Variants in SIPA1L3 observed in about 807,000 individuals in gnomAD.
SIPA1L3 encodes signal induced proliferation associated 1 like 3.
A neutral mutation model predicts 150.1 loss-of-function variants in SIPA1L3; 59 were observed. That is an observed-to-expected ratio of 0.39 (90% confidence interval 0.32 to 0.49). The LOEUF is 0.49. Among genes scored for constraint, SIPA1L3 ranks in the 20% least tolerant of loss-of-function variants. SIPA1L3 has a pLI of 0.86. For missense variants in SIPA1L3, 2,211 were observed against 2,489.5 expected (o/e 0.89, Z 2.38); for synonymous variants, 1,070 against 1,077.6 (o/e 0.99, Z 0.14).
chr19:38,045,294 T>C (rs1969029684), intron 2 of SIPA1L3, among the ~76,000 whole-genome samples: 1 of 152,010 alleles, frequency 6.6e-6, no homozygotes, highest in Non-Finnish European at 1.5e-5. Context: ...CAAGAATCAC[T>C]TGAACCCGGG....
chr19:38,024,371 T>C (rs1277292599), intron 1 of SIPA1L3, among the ~76,000 whole-genome samples: 1 of 152,188 alleles, frequency 6.6e-6, no homozygotes, highest in African/African-American at 2.4e-5. Flanking sequence ...CACTTCCTTG[T>C]AGGCCTGTTT....
At chr19:38,197,484 C>T (rs867755644) in intron 18 of SIPA1L3, among the ~76,000 whole-genome samples, 1 of 152,078 alleles carries the variant, frequency 6.6e-6, no homozygotes, top group African/African-American at 2.4e-5. Flanking sequence ...CCTGCCCCCC[C>T]ACGGCAACCC....
rs759175189 is a variant in SIPA1L3, at chr19:38,152,906, C to A, written c.3600C>A (p.Ser1200Arg). Reference sequence around the variant, plus strand: ...ACTTCAGCCACGATGGGACGTCCAGCGGCGACTCCTCTTCCGGCGGCCTGA... The same window carrying A: ...ACTTCAGCCACGATGGGACGTCCAGAGGCGACTCCTCTTCCGGCGGCCTGA... ...DPHFSHDGTS[S>R]GDSSSGGLTS... Residue 1200 changes from serine to arginine, a missense_variant, in exon 13 of 22, where the codon AGC becomes AGA. Ser to Arg is a moderately radical substitution (Grantham distance 110, BLOSUM62 -1). Around this residue, in one of 5 missense-constraint regions of SIPA1L3, gnomAD observed 806 missense variants for 870.1 expected, o/e 0.93. Coordinates refer to ENST00000222345, the MANE Select transcript of SIPA1L3 (RefSeq NM_015073.3). 6.2e-7 allele frequency: 1 copy of A among 1,613,734 alleles called. No homozygotes were observed. The highest frequency in any genetic ancestry group is 8.5e-7 in the Non-Finnish European group (1 of 1,179,850).
In SIPA1L3 at chr19:38,204,139, C is replaced by T. The variant is rs1478207904; in HGVS notation, c.5133C>T (p.Pro1711=). 1 of 1,558,538 alleles carries T rather than the reference C, an allele frequency of 6.4e-7. No homozygotes were observed. Among genetic ancestry groups the T allele is most frequent in the Non-Finnish European group, 8.7e-7 (1 of 1,150,286 alleles). Residue 1711 remains proline, a synonymous_variant, in exon 21 of 22, where the codon CCC becomes CCT. Transcript: ENST00000222345. ...RTTPTMSEEP[P]LDLTGKVYQL... ...CTGGTTTTTCCAGCGAGGAGCCACC[C>T]CTGGATCTGACAGGCAAGGTGTACC...
intron 2 of SIPA1L3, among the ~76,000 whole-genome samples, chr19:38,041,229 C>T (rs1968913705): frequency 6.7e-6 from 1 of 150,160 alleles, no homozygotes; most frequent in African/African-American, 2.5e-5. Flanking sequence ...GCCTCAGCCT[C>T]CTCAGTAGCT....
chr19:38,108,418 T>G (rs1270884640), intron 7 of SIPA1L3: 1 of 152,168 alleles, frequency 6.6e-6, no homozygotes, highest in African/African-American at 2.4e-5. Context: ...CTCGGGGTTG[T>G]TAAGAGATTC....
At chr19:38,054,724 A>G (rs922948666) in intron 2 of SIPA1L3, among the ~76,000 whole-genome samples, 6 of 152,212 alleles carry the variant, frequency 3.9e-5, no homozygotes, top group Admixed American at 2.0e-4. Flanking sequence ...TGATGGTGAT[A>G]AGAGAACCTT....
intron 10 of SIPA1L3, among the ~76,000 whole-genome samples, chr19:38,138,910 A>AAAAAAAAAAAAAAAAAAAAAACAAAAAC (rs1343348254): frequency 1.8e-5 from 2 of 112,786 alleles, no homozygotes; most frequent in African/African-American, 3.8e-5. Flanking sequence ...AAAAAAAAAA[A>AAAAAAAAAAAAAAAAAAAAAACAAAAAC]AAAAACTGAG....
intron 8 of SIPA1L3, among the ~76,000 whole-genome samples, chr19:38,111,833 G>A (rs549764162): frequency 6.6e-4 from 100 of 152,368 alleles, no homozygotes; most frequent in Non-Finnish European, 1.1e-3. Flanking sequence ...TTTTGGGGTT[G>A]AGGACCCTTG....
chr19:38,038,588 CA>C lies in SIPA1L3; in HGVS notation c.-311+9450del, dbSNP rs34849335. On this transcript the variant is annotated intron_variant, in intron 2 of 21. Coordinates refer to ENST00000222345, the MANE Select transcript of SIPA1L3 (RefSeq NM_015073.3). ...CCTGGGTGACAGCGAGACTCCGTCT[CA>C]AAAAAAAAAAAAAAAAAGTCATGTG... 3.1e-3 allele frequency among the ~76,000 whole-genome samples: 382 copies of C among 121,742 alleles called. 3 individuals are homozygous for C. Among genetic ancestry groups the C allele is most frequent in the African/African-American group, 0.011 (342 of 31,752 alleles). The allele number at this position is 121,742 out of a possible 152,430, so 79.9% of individuals were successfully genotyped here. A position where few individuals can be genotyped will look rare whatever the true frequency, so the allele number is the denominator to read the frequency against.
chr19:38,160,817 G>A (rs891945026), intron 13 of SIPA1L3, among the ~76,000 whole-genome samples: 2 of 152,188 alleles, frequency 1.3e-5, no homozygotes, highest in Non-Finnish European at 1.5e-5. Context: ...CGCATGTAGA[G>A]GGAAGGCCAC....
rs3083579 is a variant in SIPA1L3 at position 37,992,650 on chromosome 19, TAA to T, written c.-378-36422_-378-36421del. Among the ~76,000 whole-genome samples the T allele has an allele frequency of 3.7e-3, 545 of 146,650 alleles. 3 individuals carry two copies. Among genetic ancestry groups the T allele is most frequent in the Middle Eastern group, 7.0e-3 (2 of 284 alleles). On this transcript the variant is annotated intron_variant, in intron 1 of 21. Transcript: ENST00000222345. ...TGGGCAACAAAGTGACACTCTGTCT[TAA>T]AAAAAAAAAAAAAAAATTATGAATG...
chr19:38,130,045 C>T (rs993381596), intron 9 of SIPA1L3, among the ~76,000 whole-genome samples: 7 of 152,070 alleles, frequency 4.6e-5, no homozygotes, highest in Non-Finnish European at 8.8e-5. Flanking sequence ...TCAGCCTGGG[C>T]GACAGAGCAA....
At chr19:38,048,576 C>T (rs1457995675) in intron 2 of SIPA1L3, among the ~76,000 whole-genome samples, 1 of 152,154 alleles carries the variant, frequency 6.6e-6, no homozygotes, top group Non-Finnish European at 1.5e-5. Context: ...GTTCTGTTGT[C>T]TAGTAGCTGA....
chr19:38,016,052 C>A (rs529133654), intron 1 of SIPA1L3, among the ~76,000 whole-genome samples: 103 of 152,322 alleles, frequency 6.8e-4, no homozygotes, highest in African/African-American at 2.4e-3. Flanking sequence ...CTTCTGCTCA[C>A]ATGCATGCTC....
chr19:38,053,464 C>A (rs773581896), intron 2 of SIPA1L3, among the ~76,000 whole-genome samples: 16 of 152,304 alleles, frequency 1.1e-4, no homozygotes, highest in Admixed American at 3.3e-4. Flanking sequence ...GTAGTAATAG[C>A]CATGGACACT....
At chr19:38,092,433 T>C (rs946834636) in intron 4 of SIPA1L3, among the ~76,000 whole-genome samples, 5 of 152,026 alleles carry the variant, frequency 3.3e-5, no homozygotes, top group African/African-American at 1.2e-4. Context: ...AGTGCATGGA[T>C]ACTGGGTTAT....
At chr19:38,188,694 G>A (rs890676321) in intron 16 of SIPA1L3, among the ~76,000 whole-genome samples, 64 of 151,778 alleles carry the variant, frequency 4.2e-4, no homozygotes, top group African/African-American at 9.7e-4. Context: ...AGGCCGAGGC[G>A]GGCGGATCAC....
chr19:37,989,275 A>G (rs1967439325), intron 1 of SIPA1L3, among the ~76,000 whole-genome samples: 1 of 152,216 alleles, frequency 6.6e-6, no homozygotes, highest in African/African-American at 2.4e-5. Flanking sequence ...GCTGGAGTGC[A>G]GTAGCACAGT....
Sources: allele counts gnomAD v4.1 joint callset (sites outside exome capture counted in the v4.1 genomes callset), GRCh38; gene constraint gnomAD v4.1.1; regional missense constraint gnomAD v4.1.1; transcripts MANE v1.5; gene names NCBI Gene and HGNC (gene_info 2026-07-23, HGNC 2026-07-21).